Variants in DGLUCY observed in about 807,000 individuals in gnomAD.
The protein encoded by DGLUCY is D-glutamate cyclase, mitochondrial.
Under a neutral mutation model 58.5 loss-of-function variants are expected in DGLUCY, and 58 were observed. That is an observed-to-expected ratio of 0.99 (90% confidence interval 0.80 to 1.23). DGLUCY has a LOEUF of 1.23. Among genes scored for constraint, DGLUCY ranks in the 50% most tolerant of loss-of-function variants. The pLI, the probability that DGLUCY is intolerant of heterozygous loss-of-function variation, is 0.00. For missense variants in DGLUCY, 779 were observed against 784.7 expected (o/e 0.99, Z 0.09); for synonymous variants, 325 against 314.1 (o/e 1.03, Z -0.37).
At chr14:91,084,358 C>G (rs1057423348) in intron 1 of DGLUCY, among the ~76,000 whole-genome samples, 2 of 152,052 alleles carry the variant, frequency 1.3e-5, no homozygotes, top group African/African-American at 4.8e-5. Flanking sequence ...CACCCACCAC[C>G]ATGCTCGGCT....
At chr14:91,085,569 T>TG (rs2044202573) in intron 1 of DGLUCY, among the ~76,000 whole-genome samples, 1 of 151,416 alleles carries the variant, frequency 6.6e-6, no homozygotes, top group African/African-American at 2.4e-5. Context: ...TTTTGTTTTT[T>TG]TTTTTTTTTA....
Position 91,173,439 on chromosome 14 carries a change from G to T in DGLUCY, c.607G>T (p.Glu203Ter). 1 of 1,595,758 alleles carries T rather than the reference G, an allele frequency of 6.3e-7. No individual in the cohort carries two copies. The highest frequency in any genetic ancestry group is 1.1e-5 in the South Asian group (1 of 88,232). Residue 203 changes from glutamate to a stop codon, truncating the protein, a stop_gained and splice_region_variant, in exon 6 of 14, where the codon GAA (glutamate) becomes TAA (stop). Coordinates refer to ENST00000256324, the MANE Select transcript of DGLUCY (RefSeq NM_001102368.3). LOFTEE classifies it high-confidence loss of function. ...QGQPVHMGDP[E>*]LLGIKELSKP... Reference sequence around the variant, plus strand: ...GCAACCTGTTCACATGGGCGACCCAGGTCAGTGTCTCTCGCTCCTGCCCAT... The same window carrying T: ...GCAACCTGTTCACATGGGCGACCCATGTCAGTGTCTCTCGCTCCTGCCCAT...
At chr14:91,072,762 C>T (rs2043944796) in intron 1 of DGLUCY, among the ~76,000 whole-genome samples, 1 of 152,142 alleles carries the variant, frequency 6.6e-6, no homozygotes, top group Non-Finnish European at 1.5e-5. Flanking sequence ...TGGCTCATGC[C>T]TGTAATCCCA....
intron 8 of DGLUCY, among the ~76,000 whole-genome samples, chr14:91,182,392 GA>G (rs1323734162): frequency 6.6e-6 from 1 of 151,826 alleles, no homozygotes; most frequent in Admixed American, 6.6e-5. Flanking sequence ...TAGGTAGTAA[GA>G]AAAAAAGAGA....
At chr14:91,154,092 G>A (rs560120219) in intron 1 of DGLUCY, among the ~76,000 whole-genome samples, 1 of 152,136 alleles carries the variant, frequency 6.6e-6, no homozygotes, top group Non-Finnish European at 1.5e-5. Context: ...ATTTAGTAAA[G>A]ACAGGATTTT....
intron 1 of DGLUCY, among the ~76,000 whole-genome samples, chr14:91,135,274 C>T (rs889131258): frequency 1.3e-5 from 2 of 152,116 alleles, no homozygotes; most frequent in Non-Finnish European, 2.9e-5. Flanking sequence ...ACTACACAGG[C>T]TGGTATAATA....
Position 91,160,388 on chromosome 14 carries a change from A to G in DGLUCY, c.94A>G (p.Met32Val). Residue 32 changes from methionine (M) to valine (V), a missense_variant, in exon 3 of 14, where the codon ATG becomes GTG. By Grantham distance (21) the Met-to-Val change is conservative. Coordinates refer to ENST00000256324, the MANE Select transcript of DGLUCY (RefSeq NM_001102368.3). ...KKPNIRNTSS[M>V]AGELRPASLV... ...ACCAAACATCAGAAATACATCCAGC[A>G]TGGCTGGAGGTAAGTGGTGCCAGAT... 1.5e-6 allele frequency: 2 copies of G among 1,362,540 alleles called. No individual in the cohort carries two copies. Among genetic ancestry groups the G allele is most frequent in the South Asian group, 1.2e-5 (1 of 85,774 alleles). 84.4% of individuals were successfully genotyped at this position (1,362,540 alleles called of 1,614,324 possible).
intron 1 of DGLUCY, among the ~76,000 whole-genome samples, chr14:91,116,131 C>T (rs1278642486): frequency 6.6e-6 from 1 of 152,178 alleles, no homozygotes; most frequent in Non-Finnish European, 1.5e-5. Flanking sequence ...ACAGATTTCT[C>T]AGCCTTTCCA....
chr14:91,117,145 A>G (rs1321165873), intron 1 of DGLUCY, among the ~76,000 whole-genome samples: 1 of 152,182 alleles, frequency 6.6e-6, no homozygotes, highest in Admixed American at 6.6e-5. Context: ...AGACATTGTC[A>G]TGGCATTTGT....
Position 91,224,807 on chromosome 14 carries a change from G to A in DGLUCY, c.1840G>A (p.Val614Met). The change falls in exon 14 of 14, where the codon GTG becomes ATG. Residue 614 changes from valine (V) to methionine (M), a missense_variant. By Grantham distance (21) the Val-to-Met change is conservative. Transcript: ENST00000256324. ...CCACGCCGAGATGATCCAGAAGCTG[G>A]TGGACGTCACCACGGCACAGGTGTA... Reference protein sequence around the residue: ...NTHAEMIQKLVDVTTAQV With the variant: ...NTHAEMIQKLMDVTTAQV The A allele has an allele frequency of 6.2e-7, 1 of 1,613,240 alleles. No homozygotes were observed. The highest frequency in any genetic ancestry group is 8.5e-7 in the Non-Finnish European group (1 of 1,179,404).
At chr14:91,065,239 G>A (rs1165387245) in intron 1 of DGLUCY, among the ~76,000 whole-genome samples, 1 of 152,168 alleles carries the variant, frequency 6.6e-6, no homozygotes, top group Non-Finnish European at 1.5e-5. Flanking sequence ...TTAGCACAGG[G>A]CTCCAGTGGA....
At chr14:91,220,148 T>C (rs1346971116) in intron 13 of DGLUCY, among the ~76,000 whole-genome samples, 1 of 152,142 alleles carries the variant, frequency 6.6e-6, no homozygotes, top group African/African-American at 2.4e-5. Context: ...CTTGGGTGAG[T>C]GAAGTGGGTG....
At chr14:91,175,624 G>T (rs918474825) in intron 6 of DGLUCY, 48 of 267,638 alleles carry the variant, frequency 1.8e-4, no homozygotes, top group African/African-American at 1.0e-3. Context: ...ACCCCCCAAG[G>T]CTGGCTTTGG....
chr14:91,082,408 G>A (rs573732237), intron 1 of DGLUCY, among the ~76,000 whole-genome samples: 21 of 152,284 alleles, frequency 1.4e-4, no homozygotes, highest in South Asian at 4.1e-4. Context: ...AAACAGCCAC[G>A]TGAAGCTTAT....
rs35639010 is a variant in DGLUCY, at chr14:91,185,271, ATTTTTTTTTT to A, written c.935-3619_935-3610del. 2.5e-3 allele frequency among the ~76,000 whole-genome samples: 97 copies of A among 38,384 alleles called. No individual in the cohort carries two copies. In the South Asian group the frequency reaches 0.099, roughly 39 times the overall value. The allele number at this position is 38,384 out of a possible 152,430, so 25.2% of individuals were successfully genotyped here. A position where few individuals can be genotyped will look rare whatever the true frequency, so the allele number is the denominator to read the frequency against. On this transcript the variant is annotated intron_variant, in intron 8 of 13. Transcript: ENST00000256324. ...GGTGTGAGCCACCGTGCCCAGCCGG[ATTTTTTTTTT>A]TTTTTTTTTTTTTTTTTTTGAGACA...
At chr14:91,072,860 T>G (rs1358714418) in intron 1 of DGLUCY, among the ~76,000 whole-genome samples, 11 of 151,708 alleles carry the variant, frequency 7.3e-5, no homozygotes, top group Admixed American at 3.3e-4. Flanking sequence ...ATACAAAAAA[T>G]TAGCTGGGCA....
chr14:91,151,658 C>CTTTTTT (rs772435841), intron 1 of DGLUCY, among the ~76,000 whole-genome samples: 3 of 134,092 alleles, frequency 2.2e-5, no homozygotes, highest in African/African-American at 2.7e-5. Flanking sequence ...CTTTTCTTTT[C>CTTTTTT]TTTTTTTTTT....
At chr14:91,150,211 T>A in intron 1 of DGLUCY, among the ~76,000 whole-genome samples, 2 of 65,922 alleles carry the variant, frequency 3.0e-5, no homozygotes, top group Admixed American at 2.5e-4. Context: ...AGAGTGAGAC[T>A]CCATCTCAAA....
intron 1 of DGLUCY, among the ~76,000 whole-genome samples, chr14:91,099,415 C>A (rs2044447679): frequency 6.6e-6 from 1 of 151,916 alleles, no homozygotes; most frequent in African/African-American, 2.4e-5. Context: ...AACATGTAGT[C>A]CCAGCTACTG....
Sources: allele counts gnomAD v4.1 joint callset (sites outside exome capture counted in the v4.1 genomes callset), GRCh38; gene constraint gnomAD v4.1.1; transcripts MANE v1.5; gene names NCBI Gene and HGNC (gene_info 2026-07-23, HGNC 2026-07-21).